The following NOTCH2 variants were observed in gnomAD, a reference collection of about 807,000 sequenced individuals.
NOTCH2 encodes the protein neurogenic locus notch homolog protein 2.
NOTCH2 carries 29 observed loss-of-function variants against 235.8 expected under a neutral mutation model. That is an observed-to-expected ratio of 0.12 (90% confidence interval 0.09 to 0.17). NOTCH2 has a LOEUF of 0.17. Among genes scored for constraint, NOTCH2 ranks in the 10% least tolerant of loss-of-function variants. The pLI, the probability that NOTCH2 is intolerant of heterozygous loss-of-function variation, is 1.00. For missense variants in NOTCH2, 2,285 were observed against 3,150.2 expected, an observed-to-expected ratio of 0.73 and a Z score of 6.57; for synonymous variants, 1,086 against 1,141.5, an observed-to-expected ratio of 0.95 and a Z score of 0.98.
chr1:120,005,357 A>G lies in NOTCH2; in HGVS notation c.387T>C (p.Tyr129=). The change falls in exon 3 of 34, where the codon TAT becomes TAC. Residue 129 remains tyrosine, a synonymous_variant. Transcript: ENST00000256646. Reference sequence around the variant, plus strand: ...TAAACCCGACTTGACAGGTGCACTCATAGGTATCCCGGCTGAGCATATGGC... The same window carrying G: ...TAAACCCGACTTGACAGGTGCACTCGTAGGTATCCCGGCTGAGCATATGGC... ...GTCHMLSRDT[Y]ECTCQVGFTG... The G allele has an allele frequency of 6.2e-7, 1 of 1,614,060 alleles. No homozygotes were observed.
intron 1 of NOTCH2, among the ~76,000 whole-genome samples, chr1:120,047,766 T>G (rs1654843531): frequency 9.8e-6 from 1 of 102,236 alleles, no homozygotes; most frequent in Admixed American, 8.5e-5. Flanking sequence ...TTTACCTTGG[T>G]TTTTTTTTTT....
At chr1:119,955,334 A>C (rs781839959) in intron 12 of NOTCH2, 102 bp from the exon 13 acceptor site, 6 of 1,249,506 alleles carry the variant, frequency 4.8e-6, no homozygotes, top group Non-Finnish European at 7.0e-6. Context: ...TGCTCAGGCC[A>C]TAAGGTGCCT....
intron 21 of NOTCH2, among the ~76,000 whole-genome samples, chr1:119,936,572 A>G (rs1649857490): frequency 6.6e-6 from 1 of 152,234 alleles, no homozygotes; most frequent in Admixed American, 6.5e-5. Flanking sequence ...AATGAGACCC[A>G]GCCCCAGCCT....
Position 120,069,554 on chromosome 1 carries a change from C to A in NOTCH2, c.-148G>T, listed in dbSNP as rs11801102. 9.2e-6 allele frequency: 13 copies of A among 1,408,260 alleles called. No individual in the cohort carries two copies. Among genetic ancestry groups the A allele is most frequent in the Non-Finnish European group, 1.2e-5 (13 of 1,091,038 alleles). The allele number at this position is 1,408,260 out of a possible 1,614,324, so 87.2% of individuals were successfully genotyped here. On this transcript the variant is annotated 5_prime_UTR_variant, in exon 1 of 34. Coordinates refer to ENST00000256646, the MANE Select transcript of NOTCH2 (RefSeq NM_024408.4). ...CTGGCGCTACGCTCCGAAGCCCAGG[C>A]GCAAATGCCTCGACTCCCCGCGCCC...
chr1:119,997,066 A>G lies in NOTCH2; in HGVS notation c.682T>C (p.Ser228Pro). The stretch of plus-strand genomic sequence containing the variant: ...CAGGTGCCTCCATTGACACAAGGTG[A>G]GGGTGCACAGGGCACATACAGGCTG... ...CDSLYVPCAP[S>P]PCVNGGTCRQ... Residue 228 changes from serine (S) to proline (P), a missense_variant, in exon 4 of 34, where the codon TCA becomes CCA. By Grantham distance (74) the Ser-to-Pro change is moderately conservative. Transcript: ENST00000256646. 6.2e-7 allele frequency: 1 copy of G among 1,614,024 alleles called. No homozygotes were observed. The highest frequency in any genetic ancestry group is 1.1e-5 in the South Asian group (1 of 91,082).
In NOTCH2 at chr1:120,034,897, A is replaced by G. The variant is rs587762881; in HGVS notation, c.74-4910T>C. 6.8e-3 allele frequency among the ~76,000 whole-genome samples: 1,031 copies of G among 152,042 alleles called. 2 individuals are homozygous for G. The highest frequency in any genetic ancestry group is 0.023 in the African/African-American group (931 of 41,292). On this transcript the variant is annotated intron_variant, in intron 1 of 33. Transcript: ENST00000256646. ...TTCCAGGTTCATATGGCTAGAGGTT[A>G]TTAAGCAAGGACAGAGGCCAGGGAG...
In NOTCH2 at chr1:119,925,658, C is replaced by A; in HGVS notation, c.4158G>T (p.Gly1386=). 1 of 1,612,676 alleles carries A rather than the reference C, an allele frequency of 6.2e-7. No homozygotes were observed. The highest frequency in any genetic ancestry group is 2.2e-5 in the East Asian group (1 of 44,836). ...GCTGGCGCTGAGGGTGGCAGCTGCC[C>A]CCGTGCTGGCAGGGGCTACTGGCAC... is the stretch of plus-strand genomic sequence containing the variant. The part of the protein sequence containing the change: ...SGCASSPCQH[G]GSCHPQRQPP... Residue 1386 remains glycine, a synonymous_variant, in exon 25 of 34, where the codon GGG becomes GGT. Transcript: ENST00000256646.
Position 120,027,040 on chromosome 1 carries a change from C to T in NOTCH2, c.155+2866G>A, listed in dbSNP as rs1653881786. On this transcript the variant is annotated intron_variant, in intron 2 of 33. Transcript: ENST00000256646. ...AATCTTGGCTCACTGCAAGCTCCGCCTCCTGGGTTCAGGCCATTCTCCTGC... is the reference window on the plus strand; with the variant it reads ...AATCTTGGCTCACTGCAAGCTCCGCTTCCTGGGTTCAGGCCATTCTCCTGC... Among the ~76,000 whole-genome samples, 9 of 143,500 alleles carry T rather than the reference C, an allele frequency of 6.3e-5. No individual in the cohort carries two copies. The South Asian group carries it at 1.9e-3, about 30-fold the overall frequency. The allele number at this position is 143,500 out of a possible 152,430, so 94.1% of individuals were successfully genotyped here.
Position 119,915,295 on chromosome 1 carries a change from G to C in NOTCH2, c.*11C>G. On this transcript the variant is annotated 3_prime_UTR_variant, in exon 34 of 34. Coordinates refer to ENST00000256646, the MANE Select transcript of NOTCH2 (RefSeq NM_024408.4). ...AAGTCAGTTATGTCTCTACACTGGA[G>C]GTGGACTCTCTCACGCATAAACCTG... The C allele has an allele frequency of 6.2e-7, 1 of 1,612,258 alleles. No homozygotes were observed. Among genetic ancestry groups the C allele is most frequent in the East Asian group, 2.2e-5 (1 of 44,890 alleles).
Position 119,938,020 on chromosome 1 carries a change from A to G in NOTCH2, c.3184-10T>C. The G allele has an allele frequency of 6.2e-7, 1 of 1,614,090 alleles. No homozygotes were observed. The highest frequency in any genetic ancestry group is 1.3e-5 in the African/African-American group (1 of 75,062). ...AGAGATTCACCAGGGTCTGAAACAG[A>G]GGCAGGGGTGTACATACATCAAAAT... On this transcript the variant is annotated splice_polypyrimidine_tract_variant and intron_variant, in intron 19 of 33. Transcript: ENST00000256646.
Position 119,925,517 on chromosome 1 carries a change from T to C in NOTCH2, c.4299A>G (p.Lys1433=), listed in dbSNP as rs762233211. Residue 1433 remains lysine, a synonymous_variant, in exon 25 of 34, where the codon AAA becomes AAG. Transcript: ENST00000256646. The part of the protein sequence containing the change: ...ATCLSQYCAD[K]ARDGVCDEAC... ...CCTCATCACAGACGCCATCCCGAGCTTTGTCGGCACAATACTGGCTCAGAC... is the reference window on the plus strand; with the variant it reads ...CCTCATCACAGACGCCATCCCGAGCCTTGTCGGCACAATACTGGCTCAGAC... 3 of 1,614,060 alleles carry C rather than the reference T, an allele frequency of 1.9e-6. No homozygotes were observed. Among genetic ancestry groups the C allele is most frequent in the Non-Finnish European group, 1.7e-6 (2 of 1,180,026 alleles).
At chr1:120,012,041 CA>C (rs1653217453) in intron 2 of NOTCH2, among the ~76,000 whole-genome samples, 2 of 141,068 alleles carry the variant, frequency 1.4e-5, no homozygotes, top group African/African-American at 5.4e-5. Flanking sequence ...AAAAAATTCA[CA>C]GCTAGTAGAT....
chr1:119,935,189 AT>A, intron 22 of NOTCH2: 1 of 1,276,340 alleles, frequency 7.8e-7, no homozygotes, highest in Admixed American at 3.5e-5. Context: ...GACCAGGCTA[AT>A]TTTTTAATGT....
intron 11 of NOTCH2, among the ~76,000 whole-genome samples, chr1:119,963,204 AAGG>A (rs1651010041): frequency 6.6e-6 from 1 of 151,626 alleles, no homozygotes; most frequent in African/African-American, 2.4e-5. Context: ...GGAAGGAAGG[AAGG>A]AAGGACTGAA....
At chr1:120,000,927 A>G (rs1553205231) in intron 3 of NOTCH2, among the ~76,000 whole-genome samples, 1 of 151,892 alleles carries the variant, frequency 6.6e-6, no homozygotes, top group African/African-American at 2.4e-5. Context: ...CTCAACTTGA[A>G]TTGTATCTCC....
intron 21 of NOTCH2, 74 bp downstream of exon 21, chr1:119,937,208 T>G (rs1360041349): frequency 2.1e-6 from 3 of 1,427,250 alleles, no homozygotes; most frequent in Non-Finnish European, 3.0e-6. Context: ...GCAGCTAAAT[T>G]CAATATATCA....
At chr1:119,924,289 AG>A (rs1473920018) in intron 25 of NOTCH2, among the ~76,000 whole-genome samples, 1 of 152,204 alleles carries the variant, frequency 6.6e-6, no homozygotes, top group African/African-American at 2.4e-5. Flanking sequence ...CTGAAACAAA[AG>A]TCAACCTGGT....
intron 15 of NOTCH2, 172 bp downstream of exon 15, chr1:119,950,552 C>T (rs1650432337): frequency 1.4e-6 from 1 of 704,700 alleles, no homozygotes; most frequent in Non-Finnish European, 2.6e-6. Context: ...CTTAGGAGGC[C>T]ACAATGTTTC....
chr1:119,966,331 G>T, intron 9 of NOTCH2, 45 bp downstream of exon 9: 1 of 1,306,780 alleles, frequency 7.7e-7, no homozygotes, highest in Non-Finnish European at 1.1e-6. Context: ...TGGTCAGTTG[G>T]CTTTGTGCTT....
Sources: gnomAD v4.1 joint callset for allele counts (sites outside exome capture counted in the v4.1 genomes callset) on GRCh38, gnomAD v4.1.1 for gene constraint, MANE v1.5 for transcripts, NCBI Gene and HGNC (gene_info 2026-07-23, HGNC 2026-07-21) for gene names.